KALRN: variants seen among roughly 807,000 people sequenced by gnomAD.
KALRN encodes kalirin RhoGEF kinase.
In KALRN, 70 loss-of-function variants were observed where a neutral mutation model predicts 353.7. The ratio of observed to expected loss-of-function variants is 0.20; its 90% CI spans 0.16 to 0.24. The LOEUF is 0.24. Ranked by LOEUF, KALRN falls within the 10% of genes least tolerant of loss-of-function variation. The pLI is 1.00. For synonymous variants in KALRN, 1,391 were observed against 1,434.8 expected (o/e 0.97, Z 0.69); for missense variants, 2,791 against 3,756.7 (o/e 0.74, Z 6.72).
At chr3:124,495,390 G>T (rs2063595535) in intron 32 of KALRN, among the ~76,000 whole-genome samples, 1 of 152,090 alleles carries the variant, frequency 6.6e-6, no homozygotes, top group African/African-American at 2.4e-5. Context: ...AATATCCCCT[G>T]GAGACAATAT....
At chr3:124,290,300 C>G (rs897582447) in intron 5 of KALRN, among the ~76,000 whole-genome samples, 1 of 152,090 alleles carries the variant, frequency 6.6e-6, no homozygotes, top group African/African-American at 2.4e-5. Flanking sequence ...TCAGAAAGGA[C>G]TGCATCTGAT....
At chr3:124,526,835 T>G (rs1030417492) in intron 33 of KALRN, among the ~76,000 whole-genome samples, 14 of 152,106 alleles carry the variant, frequency 9.2e-5, no homozygotes, top group African/African-American at 3.4e-4. Context: ...AACAAGAGAA[T>G]GTGTATTGCT....
intron 37 of KALRN, 24 bp downstream of exon 37, chr3:124,637,327 T>C (rs2081469219): frequency 6.5e-7 from 1 of 1,546,264 alleles, no homozygotes; most frequent in Non-Finnish European, 8.9e-7. Flanking sequence ...CTGGAGGCAG[T>C]TCTGTGTGTG....
intron 7 of KALRN, among the ~76,000 whole-genome samples, chr3:124,328,992 A>G (rs2149424592): frequency 6.6e-6 from 1 of 152,308 alleles, no homozygotes; most frequent in East Asian, 1.9e-4. Context: ...GCAATGGGAT[A>G]AAGAGGTCTT....
At chr3:124,225,570 T>A (rs16835190) in intron 1 of KALRN, among the ~76,000 whole-genome samples, 21,219 of 152,162 alleles carry the variant, frequency 0.14, 2,756 homozygotes, top group East Asian at 0.64. Flanking sequence ...GACTGCAAGC[T>A]GCATGGACAA....
At chr3:124,149,836 A>G (rs1207477256) in intron 1 of KALRN, among the ~76,000 whole-genome samples, 1 of 152,230 alleles carries the variant, frequency 6.6e-6, no homozygotes, top group Non-Finnish European at 1.5e-5. Context: ...GTGAAAGCCA[A>G]TACACACGGC....
intron 1 of KALRN, among the ~76,000 whole-genome samples, chr3:124,130,815 T>A (rs1208449881): frequency 6.6e-6 from 1 of 152,176 alleles, no homozygotes; most frequent in Non-Finnish European, 1.5e-5. Context: ...AAGAGCGCAC[T>A]ATTGGCACTC....
At chr3:124,661,278 G>A (rs1042324992) in intron 44 of KALRN, among the ~76,000 whole-genome samples, 1 of 152,210 alleles carries the variant, frequency 6.6e-6, no homozygotes, top group African/African-American at 2.4e-5. Context: ...TTAGATGTAA[G>A]TTGCACAAAA....
chr3:124,357,164 T>C (rs7634929), intron 10 of KALRN, among the ~76,000 whole-genome samples: 89,366 of 152,158 alleles, frequency 0.59, 26,655 homozygotes, highest in East Asian at 0.89. Context: ...TCTATTGCAA[T>C]ATTGCAAAGT....
chr3:124,530,341 G>A (rs1327615115), intron 33 of KALRN, among the ~76,000 whole-genome samples: 1 of 152,022 alleles, frequency 6.6e-6, no homozygotes, highest in African/African-American at 2.4e-5. Flanking sequence ...GAATGATCTC[G>A]CCTCCCTTTT....
chr3:124,182,360 G>A (rs570041877), intron 1 of KALRN, among the ~76,000 whole-genome samples: 2 of 152,310 alleles, frequency 1.3e-5, no homozygotes, highest in African/African-American at 2.4e-5. Context: ...GAAGACCTAC[G>A]TGGAAAAAGC....
chr3:124,319,156 A>G (rs1418706375), intron 6 of KALRN, among the ~76,000 whole-genome samples: 4 of 151,928 alleles, frequency 2.6e-5, no homozygotes, highest in South Asian at 4.1e-4. Context: ...TAAATGTATT[A>G]AAGATATATT....
chr3:124,335,153 G>A (rs577879076), intron 9 of KALRN, among the ~76,000 whole-genome samples: 3 of 152,132 alleles, frequency 2.0e-5, no homozygotes, highest in Non-Finnish European at 4.4e-5. Context: ...CAGCTTGGGG[G>A]TGGGGGGTTA....
At chr3:124,613,848 C>G (rs1379446266) in intron 34 of KALRN, among the ~76,000 whole-genome samples, 1 of 152,204 alleles carries the variant, frequency 6.6e-6, no homozygotes, top group Non-Finnish European at 1.5e-5. Flanking sequence ...CAGCCTGTGG[C>G]CTTTCCAGCT....
At chr3:124,042,801 G>C (rs2040086922) in intron 1 of KALRN, among the ~76,000 whole-genome samples, 1 of 152,172 alleles carries the variant, frequency 6.6e-6, no homozygotes, top group South Asian at 2.1e-4. Context: ...GGATTCAGTA[G>C]GTGGATAATG....
Position 124,468,631 on chromosome 3 carries a change from G to A in KALRN, c.4031+5998G>A, listed in dbSNP as rs183131925. On this transcript the variant is annotated intron_variant, in intron 25 of 59. Coordinates refer to ENST00000682506, the MANE Select transcript of KALRN (RefSeq NM_001388419.1). Reference sequence around the variant, plus strand: ...CAAATATAAAAGCCCGAAAGAAATCGTTAAAGATAATCTAGTTCTCCCTTG... The same window carrying A: ...CAAATATAAAAGCCCGAAAGAAATCATTAAAGATAATCTAGTTCTCCCTTG... Among the ~76,000 whole-genome samples, 214 of 152,292 alleles carry A rather than the reference G, an allele frequency of 1.4e-3. 1 individual carries two copies. The highest frequency in any genetic ancestry group is 4.5e-3 in the African/African-American group (189 of 41,542).
At chr3:124,496,467 C>T (rs1371449722) in intron 33 of KALRN, 54 bp downstream of exon 33, 1 of 1,295,564 alleles carries the variant, frequency 7.7e-7, no homozygotes, top group Non-Finnish European at 1.1e-6. Flanking sequence ...GGCTCAACCA[C>T]CCCTGGAGAG....
intron 43 of KALRN, 22 bp from the exon 44 acceptor site, chr3:124,660,901 G>C (rs333290): frequency 0.55 from 868,454 of 1,570,616 alleles, 244,824 homozygotes; most frequent in African/African-American, 0.8. Context: ...CCACACTCTT[G>C]CCTGCTTCCC....
intron 33 of KALRN, among the ~76,000 whole-genome samples, chr3:124,529,402 C>T (rs963186155): frequency 6.6e-6 from 1 of 152,156 alleles, no homozygotes; most frequent in African/African-American, 2.4e-5. Flanking sequence ...GAGCATGCTG[C>T]TTGAGTTCCA....
Sources: allele counts gnomAD v4.1 joint callset (sites outside exome capture counted in the v4.1 genomes callset), GRCh38; gene constraint gnomAD v4.1.1; transcripts MANE v1.5; gene names NCBI Gene and HGNC (gene_info 2026-07-23, HGNC 2026-07-21).